ITPR2: variants seen among roughly 807,000 people sequenced by gnomAD.
The protein encoded by ITPR2 is inositol 1,4,5-trisphosphate receptor type 2, also known as inositol 1,4,5-trisphosphate-gated calcium channel ITPR2.
ITPR2 carries 207 observed loss-of-function variants against 317.1 expected under a neutral mutation model. The observed-to-expected ratio is 0.65, with a 90% CI of 0.58 to 0.73. The LOEUF is 0.73. Among genes scored for constraint, ITPR2 ranks in the 30% least tolerant of loss-of-function variants. ITPR2 has a pLI of 0.00. For synonymous variants in ITPR2, 1,156 were observed against 1,149.1 expected, an observed-to-expected ratio of 1.01 and a Z score of -0.12; for missense variants, 2,613 against 3,284.0, an observed-to-expected ratio of 0.80 and a Z score of 4.99.
intron 22 of ITPR2, chr12:26,630,772 A>G (rs1274430866): frequency 6.6e-6 from 1 of 152,220 alleles, no homozygotes; most frequent in Non-Finnish European, 1.5e-5. Context: ...AATGTGGGCT[A>G]AAATGAGGTC....
intron 37 of ITPR2, among the ~76,000 whole-genome samples, chr12:26,507,458 T>G (rs1943219185): frequency 6.6e-6 from 1 of 152,216 alleles, no homozygotes; most frequent in Non-Finnish European, 1.5e-5. Flanking sequence ...GTGATAGATA[T>G]TTCACTACTT....
chr12:26,575,175 C>G (rs965235580), intron 34 of ITPR2, among the ~76,000 whole-genome samples: 1 of 145,168 alleles, frequency 6.9e-6, no homozygotes, highest in African/African-American at 2.6e-5. Flanking sequence ...TAGTGTGAGC[C>G]ATGTGGGGGC....
At chr12:26,647,471 T>C (rs1947138115) in intron 21 of ITPR2, among the ~76,000 whole-genome samples, 1 of 152,270 alleles carries the variant, frequency 6.6e-6, no homozygotes, top group Admixed American at 6.5e-5. Context: ...TTGGGTTGTA[T>C]ATCCTTTAGC....
intron 45 of ITPR2, among the ~76,000 whole-genome samples, chr12:26,453,094 G>A (rs1591797839): frequency 6.6e-6 from 1 of 151,982 alleles, no homozygotes; most frequent in African/African-American, 2.4e-5. Context: ...TGATTCTTTA[G>A]TTCCATTTTC....
At chr12:26,728,556 C>T (rs748530438) in intron 2 of ITPR2, among the ~76,000 whole-genome samples, 7 of 152,168 alleles carry the variant, frequency 4.6e-5, no homozygotes, top group Non-Finnish European at 7.4e-5. Flanking sequence ...GGGGCACACA[C>T]AGACTTCTGT....
chr12:26,516,280 G>GGAAGGGAAA lies in ITPR2; in HGVS notation c.5074-21021_5074-21020insTTTCCCTTC, dbSNP rs1565574580. Among the ~76,000 whole-genome samples, 50 of 45,172 alleles carry GGAAGGGAAA rather than the reference G, an allele frequency of 1.1e-3. 2 individuals are homozygous for GGAAGGGAAA. Among genetic ancestry groups the GGAAGGGAAA allele is most frequent in the Admixed American group, 2.9e-3 (9 of 3,088 alleles). 29.6% of individuals were successfully genotyped at this position (45,172 alleles called of 152,430 possible). Reference sequence around the variant, plus strand: ...AGGAAAGGAAAGGAAAGGAAGGGAAGGGAAGGGAAAGGAAAGGAAAGGAAA... The same window carrying GGAAGGGAAA: ...AGGAAAGGAAAGGAAAGGAAGGGAAGGAAGGGAAAGGAAGGGAAAGGAAAGGAAAGGAAA... On this transcript the variant is annotated intron_variant, in intron 37 of 56. Transcript: ENST00000381340.
At chr12:26,693,252 A>G (rs1455174868) in intron 10 of ITPR2, among the ~76,000 whole-genome samples, 8 of 152,172 alleles carry the variant, frequency 5.3e-5, no homozygotes. Context: ...ACAGAAGAGC[A>G]CTCTTTCTCA....
At chr12:26,534,221 T>C (rs1429574715) in intron 37 of ITPR2, among the ~76,000 whole-genome samples, 1 of 152,248 alleles carries the variant, frequency 6.6e-6, no homozygotes, top group African/African-American at 2.4e-5. Context: ...AATTGAAGCA[T>C]TGCAGAAATA....
intron 13 of ITPR2, among the ~76,000 whole-genome samples, chr12:26,670,815 G>A (rs1160349492): frequency 1.3e-5 from 2 of 152,162 alleles, no homozygotes; most frequent in South Asian, 2.1e-4. Flanking sequence ...AAATTTAGAC[G>A]AATGTATAAC....
At chr12:26,592,551 C>T (rs1342168131) in intron 32 of ITPR2, among the ~76,000 whole-genome samples, 2 of 151,984 alleles carry the variant, frequency 1.3e-5, no homozygotes, top group Non-Finnish European at 2.9e-5. Context: ...TATTTATCCA[C>T]AAAATTTAAA....
intron 50 of ITPR2, among the ~76,000 whole-genome samples, chr12:26,417,424 G>A (rs1261857010): frequency 2.0e-5 from 3 of 152,000 alleles, no homozygotes; most frequent in African/African-American, 2.4e-5. Context: ...AATTGTAATC[G>A]CCATGTGTCA....
At chr12:26,663,625 C>A in intron 15 of ITPR2, 60 bp downstream of exon 15, 2 of 1,441,462 alleles carry the variant, frequency 1.4e-6, no homozygotes, top group Non-Finnish European at 1.9e-6. Context: ...GAATTATAAC[C>A]AAAGAACCTT....
At chr12:26,717,974 G>A (rs566664425) in intron 5 of ITPR2, among the ~76,000 whole-genome samples, 1 of 152,330 alleles carries the variant, frequency 6.6e-6, no homozygotes, top group Non-Finnish European at 1.5e-5. Flanking sequence ...GTAGAGGCCT[G>A]AGTCATCATC....
intron 9 of ITPR2, among the ~76,000 whole-genome samples, chr12:26,709,111 C>T (rs2137018335): frequency 6.6e-6 from 1 of 152,164 alleles, no homozygotes; most frequent in East Asian, 1.9e-4. Context: ...GGATTTTGTC[C>T]CAACTGACAT....
chr12:26,751,449 C>A (rs1420629756), intron 2 of ITPR2, among the ~76,000 whole-genome samples: 1 of 152,110 alleles, frequency 6.6e-6, no homozygotes, highest in Non-Finnish European at 1.5e-5. Context: ...AGCGTTGTAG[C>A]CTTGAGGCCC....
Position 26,550,228 on chromosome 12 carries a change from A to G in ITPR2, c.5073+19T>C, listed in dbSNP as rs751511940. 2.9e-6 allele frequency: 3 copies of G among 1,033,138 alleles called. No individual in the cohort carries two copies. Among genetic ancestry groups the G allele is most frequent in the South Asian group, 2.9e-5 (2 of 69,580 alleles). The allele number at this position is 1,033,138 out of a possible 1,614,324, so 64.0% of individuals were successfully genotyped here. A position where few individuals can be genotyped will look rare whatever the true frequency, so the allele number is the denominator to read the frequency against. ...AATCCTACTTTATTTTTAAATAATA[A>G]AGTTTTTTAAAAAAATACCTCTTCC... On this transcript the variant is annotated intron_variant, in intron 37 of 56. Transcript: ENST00000381340.
chr12:26,813,623 C>T (rs1950794906), intron 1 of ITPR2, among the ~76,000 whole-genome samples: 1 of 152,136 alleles, frequency 6.6e-6, no homozygotes, highest in Admixed American at 6.5e-5. Flanking sequence ...ACCATTACCC[C>T]CATCCTTGAT....
intron 5 of ITPR2, among the ~76,000 whole-genome samples, chr12:26,717,191 A>T (rs549370042): frequency 1.3e-5 from 2 of 152,330 alleles, no homozygotes; most frequent in African/African-American, 4.8e-5. Context: ...ATACCAAGTA[A>T]ATATTAGAAT....
chr12:26,478,237 A>G (rs1478131821), intron 43 of ITPR2, among the ~76,000 whole-genome samples: 4 of 152,168 alleles, frequency 2.6e-5, no homozygotes, highest in African/African-American at 9.6e-5. Context: ...ATTGACACTA[A>G]TGTCACTGAC....
Sources: allele counts gnomAD v4.1 joint callset (sites outside exome capture counted in the v4.1 genomes callset), GRCh38; gene constraint gnomAD v4.1.1; transcripts MANE v1.5; gene names NCBI Gene and HGNC (gene_info 2026-07-23, HGNC 2026-07-21).